PAM: variants seen among roughly 807,000 people sequenced by gnomAD.
PAM encodes peptidylglycine alpha-amidating monooxygenase.
In PAM, 72 loss-of-function variants were observed where a neutral mutation model predicts 122.1. That is an observed-to-expected ratio of 0.59 (90% CI 0.49 to 0.72). The LOEUF is 0.72. PAM is among the 30% of genes least tolerant of loss of function. The pLI is 0.00. For missense variants in PAM, 1,106 were observed against 1,183.7 expected, an observed-to-expected ratio of 0.93 and a Z score of 0.96; for synonymous variants, 389 against 404.4, an observed-to-expected ratio of 0.96 and a Z score of 0.46.
chr5:102,789,556 T>TG (rs1387625373), intron 1 of PAM, among the ~76,000 whole-genome samples: 1 of 152,136 alleles, frequency 6.6e-6, no homozygotes, highest in Non-Finnish European at 1.5e-5. Context: ...AAATGTGGTA[T>TG]GATTTCACTT....
At chr5:102,783,444 A>G (rs1220942856) in intron 1 of PAM, among the ~76,000 whole-genome samples, 1 of 152,176 alleles carries the variant, frequency 6.6e-6, no homozygotes, top group Non-Finnish European at 1.5e-5. Context: ...TGTTGCCTAG[A>G]ATCATTGATT....
chr5:102,786,530 T>C (rs927855036), intron 1 of PAM, among the ~76,000 whole-genome samples: 7 of 152,200 alleles, frequency 4.6e-5, no homozygotes, highest in African/African-American at 1.7e-4. Flanking sequence ...TATGAACTGC[T>C]GAACATCAAA....
At chr5:103,015,756 G>A (rs977678985) in intron 21 of PAM, among the ~76,000 whole-genome samples, 1 of 152,028 alleles carries the variant, frequency 6.6e-6, no homozygotes, top group Non-Finnish European at 1.5e-5. Context: ...TGGGACCAAG[G>A]TTCTGCTATA....
intron 1 of PAM, among the ~76,000 whole-genome samples, chr5:102,823,947 C>T (rs1034401856): frequency 6.6e-6 from 1 of 152,156 alleles, no homozygotes; most frequent in Non-Finnish European, 1.5e-5. Flanking sequence ...GAAAAATACT[C>T]AAAGTTTCAT....
chr5:102,901,567 G>C (rs1561822060), intron 4 of PAM, among the ~76,000 whole-genome samples, 154 bp downstream of exon 4: 1 of 151,562 alleles, frequency 6.6e-6, no homozygotes, highest in East Asian at 2.0e-4. Flanking sequence ...ACAAACTAGA[G>C]AGAGCCACTG....
At chr5:102,795,566 T>C (rs1763190904) in intron 1 of PAM, among the ~76,000 whole-genome samples, 1 of 152,220 alleles carries the variant, frequency 6.6e-6, no homozygotes, top group Admixed American at 6.5e-5. Flanking sequence ...TAAATGACTT[T>C]CTTAATGGCT....
At chr5:103,006,406 A>C (rs1317458657) in intron 18 of PAM, among the ~76,000 whole-genome samples, 2 of 152,176 alleles carry the variant, frequency 1.3e-5, no homozygotes, top group Non-Finnish European at 2.9e-5. Context: ...GCTTTTCATG[A>C]ATAGGTGGCA....
intron 1 of PAM, among the ~76,000 whole-genome samples, chr5:102,771,222 A>G (rs565716688): frequency 6.6e-6 from 1 of 152,236 alleles, no homozygotes; most frequent in South Asian, 2.1e-4. Flanking sequence ...TTTCATTACA[A>G]TATATACTTG....
At chr5:103,006,738 ATG>A in intron 18 of PAM, 61 bp from the exon 19 acceptor site, 1 of 1,126,904 alleles carries the variant, frequency 8.9e-7, no homozygotes, top group Non-Finnish European at 1.3e-6. Flanking sequence ...GGTCTTAGTC[ATG>A]TGGGTGTAAG....
At chr5:102,798,931 C>G (rs32676) in intron 1 of PAM, among the ~76,000 whole-genome samples, 1 of 151,848 alleles carries the variant, frequency 6.6e-6, no homozygotes, top group African/African-American at 2.4e-5. Flanking sequence ...ATTAAAAATC[C>G]TATTGCTTAG....
Position 102,990,287 on chromosome 5 carries a change from A to C in PAM, c.1499A>C (p.Glu500Ala), listed in dbSNP as rs200635625. 66 of 1,553,946 alleles carry C rather than the reference A, an allele frequency of 4.2e-5. No homozygotes were observed. The highest frequency in any genetic ancestry group is 5.8e-5 in the Non-Finnish European group (66 of 1,142,786). Reference sequence around the variant, plus strand: ...TATCTTTTAGATTTCCACATGGAAGAGGCACTGGATTGGCCTGGAGTATAC... The same window carrying C: ...TATCTTTTAGATTTCCACATGGAAGCGGCACTGGATTGGCCTGGAGTATAC... ...PEHTGDFHMEEALDWPGVYLL... is the reference protein window; with the variant it reads ...PEHTGDFHMEAALDWPGVYLL... The change falls in exon 16 of 26, where the codon GAG becomes GCG. Residue 500 changes from glutamate to alanine, a missense_variant. Glu to Ala is a moderately radical substitution (Grantham distance 107). Transcript: ENST00000438793.
At chr5:102,912,164 A>G (rs1042881801) in intron 4 of PAM, among the ~76,000 whole-genome samples, 1 of 151,974 alleles carries the variant, frequency 6.6e-6, no homozygotes, top group Non-Finnish European at 1.5e-5. Context: ...AGAATGATTC[A>G]GTCATAGGAA....
intron 3 of PAM, among the ~76,000 whole-genome samples, chr5:102,890,609 A>C (rs61379130): frequency 0.043 from 6,484 of 151,950 alleles, 291 homozygotes; most frequent in East Asian, 0.18. Context: ...ATCTAATTAT[A>C]TATTGATGAT....
rs1357856655 is a variant in PAM, at chr5:103,028,242, T to G, written c.2743+4T>G. 6.2e-7 allele frequency: 1 copy of G among 1,600,178 alleles called. No individual in the cohort carries two copies. Among genetic ancestry groups the G allele is most frequent in the East Asian group, 2.2e-5 (1 of 44,788 alleles). ...AGAGTACTGGGAAGATTTAGAGGTA[T>G]GCCTATGACCTTTTAGAACCCTTCA... On this transcript the variant is annotated splice_donor_region_variant and intron_variant, in intron 25 of 25. Transcript: ENST00000438793.
chr5:103,008,394 A>G (rs1319361610), intron 20 of PAM, among the ~76,000 whole-genome samples: 1 of 152,138 alleles, frequency 6.6e-6, no homozygotes, highest in Admixed American at 6.6e-5. Flanking sequence ...AAGGCTAATT[A>G]GCAAACCCAT....
chr5:102,804,202 C>T (rs113129412), intron 1 of PAM, among the ~76,000 whole-genome samples: 6 of 152,142 alleles, frequency 3.9e-5, no homozygotes, highest in Admixed American at 6.5e-5. Context: ...TACGCTGAAA[C>T]GGTGAAATGT....
chr5:102,884,798 A>T (rs1481066834), intron 3 of PAM, among the ~76,000 whole-genome samples: 1 of 151,916 alleles, frequency 6.6e-6, no homozygotes, highest in Non-Finnish European at 1.5e-5. Flanking sequence ...GACGAATCTG[A>T]TGTACACATT....
At chr5:102,872,737 A>G (rs138114126) in intron 3 of PAM, among the ~76,000 whole-genome samples, 1 of 152,350 alleles carries the variant, frequency 6.6e-6, no homozygotes, top group Admixed American at 6.5e-5. Flanking sequence ...CAGAATGCCA[A>G]TTAAATTAGA....
At chr5:102,799,016 G>A (rs1038659164) in intron 1 of PAM, among the ~76,000 whole-genome samples, 4 of 152,100 alleles carry the variant, frequency 2.6e-5, no homozygotes, top group African/African-American at 4.8e-5. Flanking sequence ...GCATAGCAAC[G>A]TCAATAACTT....
Sources: gnomAD v4.1 joint callset for allele counts (sites outside exome capture counted in the v4.1 genomes callset) on GRCh38, gnomAD v4.1.1 for gene constraint, MANE v1.5 for transcripts, NCBI Gene and HGNC (gene_info 2026-07-23, HGNC 2026-07-21) for gene names.